The following CBFA2T3 variants were observed in gnomAD, a reference collection of about 807,000 sequenced individuals.
The protein encoded by CBFA2T3 is CBFA2/RUNX1 partner transcriptional co-repressor 3.
A neutral mutation model predicts 58.6 loss-of-function variants in CBFA2T3; 31 were observed. That is an observed-to-expected ratio of 0.53 (90% CI 0.40 to 0.71). CBFA2T3 has a LOEUF of 0.71. Among genes scored for constraint, CBFA2T3 ranks in the 30% least tolerant of loss-of-function variants. The probability of loss-of-function intolerance (pLI) is 0.00; values close to 1 mark genes in which losing one functional copy is unlikely to be tolerated. For synonymous variants in CBFA2T3, 531 were observed against 421.9 expected, an observed-to-expected ratio of 1.26 and a Z score of -3.17; for missense variants, 1,076 against 963.1, an observed-to-expected ratio of 1.12 and a Z score of -1.55.
intron 5 of CBFA2T3, among the ~76,000 whole-genome samples, chr16:88,887,780 G>T (rs1335735669): frequency 6.6e-6 from 1 of 152,132 alleles, no homozygotes; most frequent in Non-Finnish European, 1.5e-5. Flanking sequence ...TGGTCAAAAT[G>T]CCCCAACTCC....
At position 88,892,315 on chromosome 16, in the gene CBFA2T3, G is replaced by A. The variant is rs144482562; in HGVS notation, c.550C>T (p.Leu184=). ...LSKLKRFLTT[L]QQFGSDISPE... ...GAGATGTCGCTGCCAAACTGCTGCA[G>A]TGTGGTGAGGAAGCGCTTGAGCTTG... The change falls in exon 4 of 12, where the codon CTG becomes TTG. Residue 184 remains leucine, a synonymous_variant. Coordinates refer to ENST00000268679, the MANE Select transcript of CBFA2T3 (RefSeq NM_005187.6). 106 of 1,613,126 alleles carry A rather than the reference G, an allele frequency of 6.6e-5. No homozygotes were observed. In the African/African-American group the frequency reaches 1.3e-3, roughly 19 times the overall value.
At chr16:88,917,594 G>A (rs548471245) in intron 1 of CBFA2T3, among the ~76,000 whole-genome samples, 1 of 152,356 alleles carries the variant, frequency 6.6e-6, no homozygotes, top group Non-Finnish European at 1.5e-5. Flanking sequence ...TGAATTGGCT[G>A]CAAATCACCT....
rs56013853 is a variant in CBFA2T3 at position 88,957,969 on chromosome 16, G to C, written c.151+18688C>G. On this transcript the variant is annotated intron_variant, in intron 1 of 11. Transcript: ENST00000268679. The stretch of plus-strand genomic sequence containing the variant: ...CTAAGTGCCACTGACTTGTGTACTT[G>C]AGATGGGTGAGTTGTAAGATGTGTG... 5.7e-3 allele frequency among the ~76,000 whole-genome samples: 865 copies of C among 152,354 alleles called. 12 individuals are homozygous for C. The highest frequency in any genetic ancestry group is 0.02 in the African/African-American group (848 of 41,586).
In CBFA2T3 at chr16:88,916,078, ATG is replaced by A. The variant is rs374839069; in HGVS notation, c.152-14424_152-14423del. Among the ~76,000 whole-genome samples, 276 of 149,422 alleles carry A rather than the reference ATG, an allele frequency of 1.8e-3. 3 individuals are homozygous for A. The Middle Eastern group carries it at 0.04, about 22-fold the overall frequency. The stretch of plus-strand genomic sequence containing the variant: ...TGTATGTGTGCATGTGTATTCATGC[ATG>A]TGTGTATTCATGTGTGTGCATGGGT... On this transcript the variant is annotated intron_variant, in intron 1 of 11. Coordinates refer to ENST00000268679, the MANE Select transcript of CBFA2T3 (RefSeq NM_005187.6).
chr16:88,914,595 G>T (rs1006125447), intron 1 of CBFA2T3, among the ~76,000 whole-genome samples: 1 of 152,202 alleles, frequency 6.6e-6, no homozygotes, highest in Non-Finnish European at 1.5e-5. Flanking sequence ...TTTTTAAAGC[G>T]ACCAGGGTGA....
At chr16:88,961,543 C>CGCTGG (rs1972357193) in intron 1 of CBFA2T3, among the ~76,000 whole-genome samples, 1 of 140,634 alleles carries the variant, frequency 7.1e-6, no homozygotes, top group African/African-American at 2.7e-5. Context: ...CGACCCTCAG[C>CGCTGG]ACTGGGCATT....
chr16:88,916,026 A>G (rs544737082), intron 1 of CBFA2T3, among the ~76,000 whole-genome samples: 1 of 151,338 alleles, frequency 6.6e-6, no homozygotes, highest in African/African-American at 2.4e-5. Context: ...GTCCGTGTGT[A>G]TATGTGTGCA....
chr16:88,934,639 A>G (rs34233213), intron 1 of CBFA2T3, among the ~76,000 whole-genome samples: 51,921 of 152,218 alleles, frequency 0.34, 9,147 homozygotes, highest in Middle Eastern at 0.54. Flanking sequence ...CTGCCTGCCT[A>G]TTCTTGCTGT....
At position 88,926,653 on chromosome 16, in the gene CBFA2T3, G is replaced by A. The variant is rs1463140784; in HGVS notation, c.152-24997C>T. Among the ~76,000 whole-genome samples, 3 of 152,362 alleles carry A rather than the reference G, an allele frequency of 2.0e-5. No homozygotes were observed. In the East Asian group the frequency reaches 5.8e-4, roughly 29 times the overall value. On this transcript the variant is annotated intron_variant, in intron 1 of 11. Transcript: ENST00000268679. ...ATGGCTGCAGGGAGGCCCGAGGGCA[G>A]GATCTTCCCAAGGGACAAGCTGGCC...
Position 88,965,118 on chromosome 16 carries a change from T to C in CBFA2T3, c.151+11539A>G, listed in dbSNP as rs567471423. The stretch of plus-strand genomic sequence containing the variant: ...ATCCATCCATCCATCCATCCATCCA[T>C]CCACCCACCCACCCACCCACACATC... On this transcript the variant is annotated intron_variant, in intron 1 of 11. Coordinates refer to ENST00000268679, the MANE Select transcript of CBFA2T3 (RefSeq NM_005187.6). Among the ~76,000 whole-genome samples the C allele has an allele frequency of 3.0e-3, 395 of 132,840 alleles. 3 individuals carry two copies. The highest frequency in any genetic ancestry group is 0.028 in the Middle Eastern group (7 of 254). The allele number at this position is 132,840 out of a possible 152,430, so 87.1% of individuals were successfully genotyped here.
At chr16:88,910,560 G>A (rs529900) in intron 1 of CBFA2T3, among the ~76,000 whole-genome samples, 4,520 of 152,206 alleles carry the variant, frequency 0.03, 210 homozygotes, top group African/African-American at 0.1. Context: ...ATCTGAAGGC[G>A]TGGGGACAGG....
chr16:88,885,828 G>A lies in CBFA2T3; in HGVS notation c.893+133C>T, dbSNP rs888837707. The A allele has an allele frequency of 2.0e-5, 15 of 767,120 alleles. No homozygotes were observed. Among genetic ancestry groups the A allele is most frequent in the East Asian group, 8.1e-5 (3 of 36,936 alleles). The allele number at this position is 767,120 out of a possible 1,614,324, so 47.5% of individuals were successfully genotyped here. On this transcript the variant is annotated intron_variant, in intron 6 of 11. Coordinates refer to ENST00000268679, the MANE Select transcript of CBFA2T3 (RefSeq NM_005187.6). The surrounding 1 kb of genome is among the most constrained non-coding windows in gnomAD (Gnocchi z 5.3). ...TGCTGGCCCTAGTACACCTCGCCACGCTCCCTCAGCCCGAGAGAGCCGGCC... is the reference window on the plus strand; with the variant it reads ...TGCTGGCCCTAGTACACCTCGCCACACTCCCTCAGCCCGAGAGAGCCGGCC...
intron 1 of CBFA2T3, among the ~76,000 whole-genome samples, chr16:88,931,792 G>A (rs892351895): frequency 7.2e-5 from 11 of 152,164 alleles, no homozygotes; most frequent in Non-Finnish European, 1.3e-4. Flanking sequence ...TGCAGGTGCT[G>A]TGGTCCCCAG....
At chr16:88,891,670 G>A (rs985865820) in intron 5 of CBFA2T3, among the ~76,000 whole-genome samples, 5 of 152,172 alleles carry the variant, frequency 3.3e-5, no homozygotes, top group African/African-American at 1.2e-4. Context: ...TTAACTAGTA[G>A]GAGTCAACCC....
intron 1 of CBFA2T3, among the ~76,000 whole-genome samples, chr16:88,942,499 CG>C (rs1412435207): frequency 6.6e-6 from 1 of 152,202 alleles, no homozygotes; most frequent in Non-Finnish European, 1.5e-5. Context: ...CTTTGTGCCG[CG>C]GGCCTTTTCC....
chr16:88,961,038 T>G (rs1203354032), intron 1 of CBFA2T3, among the ~76,000 whole-genome samples: 1 of 152,228 alleles, frequency 6.6e-6, no homozygotes, highest in East Asian at 1.9e-4. Flanking sequence ...AGTCACAGAA[T>G]CCAGAGAGGC....
At chr16:88,937,499 C>G (rs1171189287) in intron 1 of CBFA2T3, 1 of 152,604 alleles carries the variant, frequency 6.6e-6, no homozygotes, top group African/African-American at 2.4e-5. Flanking sequence ...CGTCCCCACG[C>G]TGGCCCTCCC....
intron 1 of CBFA2T3, chr16:88,939,443 A>G (rs1371432742): frequency 1.3e-5 from 2 of 152,108 alleles, no homozygotes; most frequent in Admixed American, 6.5e-5. Flanking sequence ...CTGAGCCCCA[A>G]TCTCGGGTGG....
intron 1 of CBFA2T3, among the ~76,000 whole-genome samples, chr16:88,934,212 C>T (rs12932153): frequency 7.5e-6 from 1 of 132,512 alleles, no homozygotes; most frequent in Non-Finnish European, 1.5e-5. Context: ...ACGGAGGCAC[C>T]GGCGAGAAGG....
Sources: gnomAD v4.1 joint callset for allele counts (sites outside exome capture counted in the v4.1 genomes callset) on GRCh38, gnomAD v4.1.1 for gene constraint, Gnocchi (gnomAD v3.1) non-coding constraint, MANE v1.5 for transcripts, NCBI Gene and HGNC (gene_info 2026-07-23, HGNC 2026-07-21) for gene names.